Variants in CCSER1 observed in about 807,000 individuals in gnomAD.
CCSER1 encodes the protein coiled-coil serine rich protein 1.
A neutral mutation model predicts 82.0 loss-of-function variants in CCSER1; 41 were observed. The observed-to-expected ratio is 0.50, with a 90% CI of 0.39 to 0.65. The LOEUF (loss-of-function observed/expected upper bound fraction) is 0.65. Among genes scored for constraint, CCSER1 ranks in the 30% least tolerant of loss-of-function variants. CCSER1 has a pLI of 0.00. For missense variants in CCSER1, 1,119 were observed against 1,064.2 expected (o/e 1.05, Z -0.72); for synonymous variants, 414 against 383.9 (o/e 1.08, Z -0.92).
At chr4:90,462,827 T>G (rs899484983) in intron 4 of CCSER1, among the ~76,000 whole-genome samples, 2 of 152,228 alleles carry the variant, frequency 1.3e-5, no homozygotes, top group Admixed American at 6.5e-5. Flanking sequence ...GCACTTTACA[T>G]GCATTAATTC....
At chr4:90,898,412 G>T (rs1397514554) in intron 8 of CCSER1, among the ~76,000 whole-genome samples, 1 of 150,012 alleles carries the variant, frequency 6.7e-6, no homozygotes, top group Non-Finnish European at 1.5e-5. Context: ...TGAGTAGCTG[G>T]GATTGCAGGT....
chr4:91,236,478 G>A (rs530203839), intron 10 of CCSER1, among the ~76,000 whole-genome samples: 18 of 152,096 alleles, frequency 1.2e-4, no homozygotes, highest in East Asian at 1.2e-3. Flanking sequence ...GCAAGACTCC[G>A]TCTCAGAAAC....
chr4:91,302,249 CATGGTTTGCCTTGGT>C (rs1203249404), intron 10 of CCSER1, among the ~76,000 whole-genome samples: 1 of 151,948 alleles, frequency 6.6e-6, no homozygotes, highest in East Asian at 2.0e-4. Flanking sequence ...TATTCCTCTG[CATGGTTTGCCTTGGT>C]AAATAGCTAC....
At chr4:90,732,607 T>C (rs2149408713) in intron 7 of CCSER1, among the ~76,000 whole-genome samples, 1 of 152,286 alleles carries the variant, frequency 6.6e-6, no homozygotes, top group Non-Finnish European at 1.5e-5. Flanking sequence ...TCTTATCATT[T>C]ATGGAAATCT....
Position 91,107,660 on chromosome 4 carries a change from G to A in CCSER1, c.2217+21666G>A, listed in dbSNP as rs537453988. On this transcript the variant is annotated intron_variant, in intron 10 of 10. Transcript: ENST00000509176. ...TTCTCTTTTTTTTTTTTTTTTTGATGTTTGAAAAGAAGAAAAAATTCGAAT... is the reference window on the plus strand; with the variant it reads ...TTCTCTTTTTTTTTTTTTTTTTGATATTTGAAAAGAAGAAAAAATTCGAAT... Among the ~76,000 whole-genome samples, 859 of 124,618 alleles carry A rather than the reference G, an allele frequency of 6.9e-3. 13 individuals carry two copies. The highest frequency in any genetic ancestry group is 0.025 in the African/African-American group (821 of 32,280). 81.8% of individuals were successfully genotyped at this position (124,618 alleles called of 152,430 possible).
chr4:90,560,560 G>T (rs951256419), intron 5 of CCSER1, among the ~76,000 whole-genome samples: 2 of 152,138 alleles, frequency 1.3e-5, no homozygotes, highest in African/African-American at 4.8e-5. Flanking sequence ...AAGACAATGT[G>T]GTTGGTCTTC....
intron 9 of CCSER1, among the ~76,000 whole-genome samples, chr4:91,035,757 G>T (rs1287279346): frequency 2.0e-5 from 3 of 152,120 alleles, no homozygotes; most frequent in Admixed American, 2.0e-4. Context: ...AAAAGGCTGA[G>T]AAGCGATCCA....
chr4:90,567,896 T>A (rs1247961577), intron 5 of CCSER1, among the ~76,000 whole-genome samples: 1 of 152,234 alleles, frequency 6.6e-6, no homozygotes, highest in East Asian at 1.9e-4. Flanking sequence ...CATGAGCCAT[T>A]ATTCCCCCCA....
intron 10 of CCSER1, among the ~76,000 whole-genome samples, chr4:91,224,312 A>G (rs937586343): frequency 5.9e-5 from 9 of 152,146 alleles, no homozygotes; most frequent in Admixed American, 3.3e-4. Context: ...AGAAGAAAGA[A>G]AACAAAATTG....
chr4:90,761,207 A>G (rs537596772), intron 7 of CCSER1, among the ~76,000 whole-genome samples: 5 of 152,224 alleles, frequency 3.3e-5, no homozygotes, highest in Admixed American at 1.3e-4. Context: ...TCACACTTGT[A>G]TGGTACTTTT....
intron 1 of CCSER1, among the ~76,000 whole-genome samples, chr4:90,137,878 T>G (rs974468436): frequency 2.0e-5 from 3 of 152,216 alleles, no homozygotes; most frequent in Non-Finnish European, 4.4e-5. Context: ...TTTGGCTTAT[T>G]CTAGTAGGCC....
At chr4:90,672,383 C>A (rs992434453) in intron 6 of CCSER1, among the ~76,000 whole-genome samples, 1 of 152,024 alleles carries the variant, frequency 6.6e-6, no homozygotes, top group African/African-American at 2.4e-5. Flanking sequence ...CATGAATCAA[C>A]CTTTGCTAGC....
chr4:90,285,238 A>G (rs573497295), intron 1 of CCSER1, among the ~76,000 whole-genome samples: 2 of 152,162 alleles, frequency 1.3e-5, no homozygotes, highest in South Asian at 4.1e-4. Flanking sequence ...TTCAAGTAAT[A>G]TGGGCATTTT....
intron 4 of CCSER1, among the ~76,000 whole-genome samples, chr4:90,449,081 G>T (rs1056675829): frequency 3.9e-5 from 6 of 152,160 alleles, no homozygotes; most frequent in African/African-American, 1.4e-4. Flanking sequence ...AACCACAGTG[G>T]ATAGCTCCTC....
At chr4:91,444,040 T>C (rs1045451645) in intron 10 of CCSER1, among the ~76,000 whole-genome samples, 1 of 152,128 alleles carries the variant, frequency 6.6e-6, no homozygotes, top group Non-Finnish European at 1.5e-5. Flanking sequence ...ACATTTTGTC[T>C]CATTCAACTT....
intron 3 of CCSER1, among the ~76,000 whole-genome samples, chr4:90,334,425 G>A (rs1382059474): frequency 6.6e-6 from 1 of 151,916 alleles, no homozygotes; most frequent in Non-Finnish European, 1.5e-5. Flanking sequence ...CTATAGGTTA[G>A]AGTAAAAAAT....
At chr4:90,896,425 G>A (rs1723727117) in intron 8 of CCSER1, among the ~76,000 whole-genome samples, 1 of 151,916 alleles carries the variant, frequency 6.6e-6, no homozygotes, top group Non-Finnish European at 1.5e-5. Context: ...ATTATTCATA[G>A]TTCTAATTCA....
intron 10 of CCSER1, among the ~76,000 whole-genome samples, chr4:91,232,133 A>T (rs1267632222): frequency 6.6e-6 from 1 of 151,876 alleles, no homozygotes; most frequent in Non-Finnish European, 1.5e-5. Context: ...AAAAGCTTAA[A>T]TTGCTACAAC....
chr4:91,293,830 G>A (rs1743950841), intron 10 of CCSER1, among the ~76,000 whole-genome samples: 1 of 151,866 alleles, frequency 6.6e-6, no homozygotes, highest in Non-Finnish European at 1.5e-5. Context: ...ATATTATGTG[G>A]TCAGGCTGTC....
Sources: gnomAD v4.1 joint callset for allele counts (sites outside exome capture counted in the v4.1 genomes callset) on GRCh38, gnomAD v4.1.1 for gene constraint, MANE v1.5 for transcripts, NCBI Gene and HGNC (gene_info 2026-07-23, HGNC 2026-07-21) for gene names.